The following FMN1 variants were observed in gnomAD, a reference collection of about 807,000 sequenced individuals.
FMN1 encodes the protein formin 1.
In FMN1, 110 loss-of-function variants were observed where a neutral mutation model predicts 132.4. That is an observed-to-expected ratio of 0.83 (90% CI 0.71 to 0.97). The LOEUF (loss-of-function observed/expected upper bound fraction) is 0.97. FMN1 is among the 50% of genes least tolerant of loss of function. The probability of loss-of-function intolerance (pLI) is 0.00; values close to 1 mark genes in which losing one functional copy is unlikely to be tolerated. For missense variants in FMN1, 1,792 were observed against 1,705.3 expected, an observed-to-expected ratio of 1.05 and a Z score of -0.90; for synonymous variants, 722 against 651.7, an observed-to-expected ratio of 1.11 and a Z score of -1.64.
chr15:32,967,996 A>G (rs1235194630), intron 8 of FMN1, among the ~76,000 whole-genome samples: 2 of 152,250 alleles, frequency 1.3e-5, no homozygotes, highest in African/African-American at 4.8e-5. Flanking sequence ...ATCACACTCA[A>G]ATCTGTTTGA....
intron 16 of FMN1, among the ~76,000 whole-genome samples, chr15:32,868,670 G>T (rs1174165498): frequency 1.3e-5 from 2 of 152,082 alleles, no homozygotes; most frequent in East Asian, 3.9e-4. Context: ...AGGGGCTGGA[G>T]AAGACACAAG....
intron 4 of FMN1, among the ~76,000 whole-genome samples, chr15:33,152,533 C>T (rs934025281): frequency 6.6e-6 from 1 of 151,902 alleles, no homozygotes; most frequent in East Asian, 1.9e-4. Flanking sequence ...TAGCACTTAT[C>T]GAGATGATTA....
chr15:32,863,826 A>C (rs923927564), intron 16 of FMN1, among the ~76,000 whole-genome samples: 2 of 152,222 alleles, frequency 1.3e-5, no homozygotes, highest in African/African-American at 2.4e-5. Context: ...TATCAAAACA[A>C]ATGTAAAAAC....
chr15:33,085,350 G>A (rs1020581618), intron 5 of FMN1, among the ~76,000 whole-genome samples: 5 of 151,998 alleles, frequency 3.3e-5, no homozygotes, highest in South Asian at 2.1e-4. Flanking sequence ...CCAAAGAGGG[G>A]AGAAGGGCTT....
At chr15:32,954,137 G>A (rs1177640341) in intron 9 of FMN1, among the ~76,000 whole-genome samples, 1 of 152,132 alleles carries the variant, frequency 6.6e-6, no homozygotes, top group Non-Finnish European at 1.5e-5. Flanking sequence ...TTCCACTGCA[G>A]TTTTCTCTAT....
intron 7 of FMN1, among the ~76,000 whole-genome samples, chr15:33,006,517 C>T (rs2140937212): frequency 6.6e-6 from 1 of 152,198 alleles, no homozygotes; most frequent in Middle Eastern, 3.4e-3. Flanking sequence ...TACCATATGA[C>T]CTAGAAATCC....
chr15:32,963,680 C>G (rs1210486310), intron 9 of FMN1, among the ~76,000 whole-genome samples: 1 of 152,104 alleles, frequency 6.6e-6, no homozygotes, highest in African/African-American at 2.4e-5. Flanking sequence ...TAAATAAAAC[C>G]TATTTTCCAT....
At chr15:32,794,274 C>A (rs1301310499) in intron 19 of FMN1, among the ~76,000 whole-genome samples, 1 of 152,178 alleles carries the variant, frequency 6.6e-6, no homozygotes, top group African/African-American at 2.4e-5. Context: ...TTCTTATTTT[C>A]ATTTCACATA....
At chr15:33,092,446 T>C (rs938271734) in intron 4 of FMN1, among the ~76,000 whole-genome samples, 6 of 152,168 alleles carry the variant, frequency 3.9e-5, no homozygotes, top group Non-Finnish European at 8.8e-5. Context: ...CGTGACTTCC[T>C]TTGGCCATCT....
At chr15:32,932,703 A>T (rs1390281585) in intron 9 of FMN1, among the ~76,000 whole-genome samples, 4 of 152,110 alleles carry the variant, frequency 2.6e-5, no homozygotes, top group African/African-American at 9.7e-5. Context: ...CAGATTTTCC[A>T]CTTCATCATG....
At position 32,805,774 on chromosome 15, in the gene FMN1, C is replaced by T. The variant is rs1335678483; in HGVS notation, c.3929-1442G>A. Reference sequence around the variant, plus strand: ...AAATCCAGTAGCATTTGCAGCAGTGCTGCTCAGAGTCATGGGAATCTTGCC... The same window carrying T: ...AAATCCAGTAGCATTTGCAGCAGTGTTGCTCAGAGTCATGGGAATCTTGCC... On this transcript the variant is annotated intron_variant, in intron 17 of 20. Transcript: ENST00000616417. Among the ~76,000 whole-genome samples the T allele has an allele frequency of 4.0e-5, 6 of 150,438 alleles. No homozygotes were observed. In the East Asian group the frequency reaches 1.2e-3, roughly 29 times the overall value.
intron 4 of FMN1, among the ~76,000 whole-genome samples, chr15:33,090,552 T>G (rs146245255): frequency 7.3e-5 from 11 of 151,598 alleles, no homozygotes; most frequent in African/African-American, 1.9e-4. Context: ...AGTCCAGGGC[T>G]TCCCCAGTCT....
chr15:33,076,658 C>A (rs1230197703), intron 5 of FMN1, among the ~76,000 whole-genome samples: 1 of 152,122 alleles, frequency 6.6e-6, no homozygotes, highest in Admixed American at 6.5e-5. Flanking sequence ...TCATTAATTG[C>A]ATTTGACAGA....
intron 4 of FMN1, among the ~76,000 whole-genome samples, chr15:33,094,419 T>C (rs1398687344): frequency 6.6e-6 from 1 of 152,212 alleles, no homozygotes; most frequent in Non-Finnish European, 1.5e-5. Context: ...AGGCTATTTT[T>C]CTTTTGTCAG....
At chr15:32,955,785 G>T (rs553318216) in intron 9 of FMN1, among the ~76,000 whole-genome samples, 19 of 151,420 alleles carry the variant, frequency 1.3e-4, no homozygotes, top group Admixed American at 7.9e-4. Flanking sequence ...CGATATGGAA[G>T]ATTTTAAAGA....
intron 3 of FMN1, among the ~76,000 whole-genome samples, chr15:33,155,483 G>C (rs17235791): frequency 1.3e-5 from 2 of 151,970 alleles, no homozygotes; most frequent in African/African-American, 4.8e-5. Flanking sequence ...AAGGTAGATC[G>C]ATCAAGCCTT....
intron 9 of FMN1, among the ~76,000 whole-genome samples, chr15:32,952,783 A>G (rs2061682751): frequency 6.6e-6 from 1 of 152,230 alleles, no homozygotes; most frequent in Non-Finnish European, 1.5e-5. Flanking sequence ...AAAGTTAATT[A>G]ATGAAAATGA....
At chr15:33,115,075 C>A (rs1364896412) in intron 4 of FMN1, among the ~76,000 whole-genome samples, 1 of 152,088 alleles carries the variant, frequency 6.6e-6, no homozygotes, top group Non-Finnish European at 1.5e-5. Context: ...GATTAAGCAC[C>A]CACTATGCCA....
chr15:32,895,764 A>T (rs1023462502), intron 15 of FMN1, among the ~76,000 whole-genome samples: 5 of 152,074 alleles, frequency 3.3e-5, no homozygotes, highest in Non-Finnish European at 5.9e-5. Flanking sequence ...TTAATTCTCG[A>T]GTTCATTGTC....
Sources: gnomAD v4.1 joint callset for allele counts (sites outside exome capture counted in the v4.1 genomes callset) on GRCh38, gnomAD v4.1.1 for gene constraint, MANE v1.5 for transcripts, NCBI Gene and HGNC (gene_info 2026-07-23, HGNC 2026-07-21) for gene names.